Variants in SRFBP1 observed in about 807,000 individuals in gnomAD.
SRFBP1 encodes the protein serum response factor-binding protein 1.
Under a neutral mutation model 45.5 loss-of-function variants are expected in SRFBP1, and 47 were observed. The ratio of observed to expected loss-of-function variants is 1.03; its 90% CI spans 0.82 to 1.32. The LOEUF (loss-of-function observed/expected upper bound fraction) is 1.32. Among genes scored for constraint, SRFBP1 ranks in the 40% most tolerant of loss-of-function variants. The pLI is 0.00. For synonymous variants in SRFBP1, 203 were observed against 166.3 expected, an observed-to-expected ratio of 1.22 and a Z score of -1.70; for missense variants, 621 against 484.6, an observed-to-expected ratio of 1.28 and a Z score of -2.64.
At chr5:122,013,108 C>T (rs1366000927) in intron 4 of SRFBP1, among the ~76,000 whole-genome samples, 2 of 152,068 alleles carry the variant, frequency 1.3e-5, no homozygotes, top group East Asian at 3.8e-4. Flanking sequence ...GTTGTTATGG[C>T]ATCACATAAA....
intron 3 of SRFBP1, among the ~76,000 whole-genome samples, chr5:121,989,504 G>C (rs1028465985): frequency 2.6e-5 from 4 of 152,192 alleles, no homozygotes; most frequent in Non-Finnish European, 5.9e-5. Context: ...ACAATTTTAA[G>C]TGACATTAAC....
intron 2 of SRFBP1, among the ~76,000 whole-genome samples, chr5:122,049,809 G>C (rs1753936509): frequency 1.3e-5 from 2 of 152,164 alleles, no homozygotes; most frequent in African/African-American, 4.8e-5. Flanking sequence ...CAGAAATAAA[G>C]ATGTTCTTTG....
At chr5:122,078,015 A>G (rs753048620), downstream of SRFBP1, 33 of 1,439,148 alleles carry the variant, frequency 2.3e-5, no homozygotes, top group East Asian at 8.3e-4. Context: ...ACCCCGCTCG[A>G]GGAGGACGTG....
At position 122,020,615 on chromosome 5, in the gene SRFBP1, C is replaced by G. The variant is rs773639015; in HGVS notation, c.880C>G (p.Arg294Gly). ...CTTCATTGGGAAAGTCAGACGGACA[C>G]GAAAGAAGGAAAGTAGTTGTCATTC... is the stretch of plus-strand genomic sequence containing the variant. The part of the protein sequence containing the change: ...DFFIGKVRRT[R>G]KKESSCHSSV... The change falls in exon 6 of 8, where the codon CGA (arginine) becomes GGA (glycine). Residue 294 changes from arginine (R) to glycine (G), a missense_variant. Physicochemically the swap from Arg to Gly is moderately radical, Grantham distance 125. Transcript: ENST00000339397. 2 of 1,613,306 alleles carry G rather than the reference C, an allele frequency of 1.2e-6. No individual in the cohort carries two copies. Among genetic ancestry groups the G allele is most frequent in the Non-Finnish European group, 1.7e-6 (2 of 1,179,812 alleles).
chr5:122,000,593 C>A (rs1656461447), intron 4 of SRFBP1, among the ~76,000 whole-genome samples: 1 of 152,162 alleles, frequency 6.6e-6, no homozygotes, highest in South Asian at 2.1e-4. Flanking sequence ...TCTTTCTGCA[C>A]TTTGTCATCT....
At chr5:122,051,517 ATCT>A (rs1326440000) in intron 2 of SRFBP1, among the ~76,000 whole-genome samples, 1 of 138,660 alleles carries the variant, frequency 7.2e-6, no homozygotes, top group African/African-American at 2.7e-5. Context: ...ACCCTTCTTT[ATCT>A]TTTTTTTTTT....
intron 4 of SRFBP1, among the ~76,000 whole-genome samples, chr5:122,017,598 A>T (rs971148605): frequency 6.6e-6 from 1 of 152,216 alleles, no homozygotes; most frequent in African/African-American, 2.4e-5. Context: ...GACGCGATTC[A>T]ACCTAGTACA....
At position 122,027,139 on chromosome 5, in the gene SRFBP1, T is replaced by G. The variant is rs1233347618; in HGVS notation, c.*13T>G. 2 of 1,580,918 alleles carry G rather than the reference T, an allele frequency of 1.3e-6. No individual in the cohort carries two copies. Among genetic ancestry groups the G allele is most frequent in the Non-Finnish European group, 1.7e-6 (2 of 1,166,648 alleles). On this transcript the variant is annotated 3_prime_UTR_variant, in exon 8 of 8. Coordinates refer to ENST00000339397, the MANE Select transcript of SRFBP1 (RefSeq NM_152546.3). ...GTTTGATGATTGATTAGTGCCTCTTTCTGCAAACTTTTCCATCTAAAAAAA... is the reference window on the plus strand; with the variant it reads ...GTTTGATGATTGATTAGTGCCTCTTGCTGCAAACTTTTCCATCTAAAAAAA...
At chr5:122,035,554 G>A (rs1464164939) in intron 2 of SRFBP1, among the ~76,000 whole-genome samples, 3 of 152,048 alleles carry the variant, frequency 2.0e-5, no homozygotes, top group Non-Finnish European at 2.9e-5. Context: ...TTGGTTTTCC[G>A]ACTACCACAT....
chr5:122,013,525 C>T (rs1753136459), intron 4 of SRFBP1, among the ~76,000 whole-genome samples: 1 of 151,976 alleles, frequency 6.6e-6, no homozygotes, highest in African/African-American at 2.4e-5. Context: ...AAAATACTAA[C>T]ATTGCAAATA....
chr5:122,025,991 G>A (rs952815997), intron 7 of SRFBP1, among the ~76,000 whole-genome samples: 14 of 152,268 alleles, frequency 9.2e-5, no homozygotes, highest in Admixed American at 2.6e-4. Flanking sequence ...TTAGGAGGCT[G>A]AGGCAGGAGA....
At chr5:122,038,904 A>G (rs1292754587) in intron 2 of SRFBP1, among the ~76,000 whole-genome samples, 1 of 152,092 alleles carries the variant, frequency 6.6e-6, no homozygotes, top group African/African-American at 2.4e-5. Flanking sequence ...GGATGCAAAA[A>G]CTATAAAAAA....
In SRFBP1 at chr5:122,070,523, C is replaced by T. The variant is rs775459586; in HGVS notation, n.312-4792C>T. ...AGGATATAGTTTCCAGGTTTTACATCTGTAATATCAATCCACTGGCAGTCT... is the reference window on the plus strand; with the variant it reads ...AGGATATAGTTTCCAGGTTTTACATTTGTAATATCAATCCACTGGCAGTCT... On this transcript the variant is annotated intron_variant and non_coding_transcript_variant, in intron 2 of 2. Transcript: ENST00000504881. 28 of 1,607,036 alleles carry T rather than the reference C, an allele frequency of 1.7e-5. No homozygotes were observed. The highest frequency in any genetic ancestry group is 2.7e-5 in the African/African-American group (2 of 74,698).
chr5:121,986,834 G>A (rs1752527461), intron 3 of SRFBP1, among the ~76,000 whole-genome samples: 1 of 152,104 alleles, frequency 6.6e-6, no homozygotes, highest in African/African-American at 2.4e-5. Flanking sequence ...AAGAAAGGGA[G>A]TGAGAAACTT....
At chr5:122,030,987 C>T, downstream of SRFBP1, among the ~76,000 whole-genome samples, 1 of 151,930 alleles carries the variant, frequency 6.6e-6, no homozygotes, top group East Asian at 1.9e-4. Flanking sequence ...CTGAGAAGGC[C>T]CTAAACTCTC....
At chr5:122,077,304 T>C, downstream of SRFBP1, 2 of 1,610,326 alleles carry the variant, frequency 1.2e-6, no homozygotes, top group Non-Finnish European at 1.7e-6. This position sits in a 1 kb window ranked among gnomAD's most constrained non-coding sequence, Gnocchi z 4.9. Flanking sequence ...AGAAGCCACA[T>C]AGCTGGGGAC....
At chr5:122,077,761 G>C (rs2278226), downstream of SRFBP1, 4,690 of 1,552,762 alleles carry the variant, frequency 3.0e-3, 139 homozygotes, top group East Asian at 0.058. The surrounding 1 kb of genome is among the most constrained non-coding windows in gnomAD (Gnocchi z 4.9). Context: ...CACCAGGGAC[G>C]GCGGCGCCCG....
chr5:122,047,577 T>C (rs1263981400), intron 2 of SRFBP1, among the ~76,000 whole-genome samples: 1 of 152,220 alleles, frequency 6.6e-6, no homozygotes, highest in African/African-American at 2.4e-5. Flanking sequence ...TTTCCAATTC[T>C]GTGAAGAAAG....
At chr5:122,077,650 G>A (rs570623139), downstream of SRFBP1, 13 of 1,608,492 alleles carry the variant, frequency 8.1e-6, 1 homozygote, top group South Asian at 1.4e-4. This position sits in a 1 kb window ranked among gnomAD's most constrained non-coding sequence, Gnocchi z 4.9. Flanking sequence ...GGCCAGCGGT[G>A]ACTCCAGATG....
Sources: gnomAD v4.1 joint callset for allele counts (sites outside exome capture counted in the v4.1 genomes callset) on GRCh38, gnomAD v4.1.1 for gene constraint, Gnocchi (gnomAD v3.1) non-coding constraint, MANE v1.5 for transcripts, NCBI Gene and HGNC (gene_info 2026-07-23, HGNC 2026-07-21) for gene names.